Variants in PCDHA3 observed in about 807,000 individuals in gnomAD.
PCDHA3 encodes the protein protocadherin alpha-3.
Under a neutral mutation model 62.2 loss-of-function variants are expected in PCDHA3, and 41 were observed. The ratio of observed to expected loss-of-function variants is 0.66; its 90% CI spans 0.51 to 0.86. The LOEUF is 0.86. Among genes scored for constraint, PCDHA3 ranks in the 40% least tolerant of loss-of-function variants. The pLI, the probability that PCDHA3 is intolerant of heterozygous loss-of-function variation, is 0.00. For synonymous variants in PCDHA3, 640 were observed against 555.4 expected, an observed-to-expected ratio of 1.15 and a Z score of -2.14; for missense variants, 1,304 against 1,241.2, an observed-to-expected ratio of 1.05 and a Z score of -0.76.
At chr5:140,870,483 C>A (rs782740203) in intron 1 of PCDHA3, 13 of 1,614,122 alleles carry the variant, frequency 8.1e-6, no homozygotes, top group East Asian at 2.2e-5. Context: ...CCGAGTACAC[C>A]GTGTTCGTGA....
At chr5:140,856,416 A>C in intron 1 of PCDHA3, 1 of 1,598,486 alleles carries the variant, frequency 6.3e-7, no homozygotes, top group South Asian at 1.1e-5. Context: ...GTGGAAGTGA[A>C]GGACATTAAC....
At chr5:140,975,562 A>T (rs1445534188) in intron 1 of PCDHA3, among the ~76,000 whole-genome samples, 2 of 152,206 alleles carry the variant, frequency 1.3e-5, no homozygotes, top group African/African-American at 4.8e-5. Flanking sequence ...GGAAAAGGAG[A>T]TATTATATGC....
At position 140,802,452 on chromosome 5, in the gene PCDHA3, T is replaced by G; in HGVS notation, c.1255T>G (p.Ser419Ala). The G allele has an allele frequency of 6.2e-7, 1 of 1,614,192 alleles. No homozygotes were observed. The highest frequency in any genetic ancestry group is 8.5e-7 in the Non-Finnish European group (1 of 1,180,038). The stretch of plus-strand genomic sequence containing the variant: ...CAGCCCTCTGGACCGCGAGAGCGTG[T>G]CGGCCTATGAGCTGGTGGTGACTGC... ...LDSPLDRESVSAYELVVTARD... is the reference protein window; with the variant it reads ...LDSPLDRESVAAYELVVTARD... Residue 419 changes from serine to alanine, a missense_variant, in exon 1 of 4, where the codon TCG (serine) becomes GCG (alanine). Transcript: ENST00000522353.
In PCDHA3 at chr5:140,943,486, T is replaced by C. The variant is rs573341102; in HGVS notation, c.2395-35463T>C. Among the ~76,000 whole-genome samples the C allele has an allele frequency of 2.6e-5, 4 of 152,178 alleles. No homozygotes were observed. The South Asian group carries it at 8.3e-4, about 32-fold the overall frequency. Reference sequence around the variant, plus strand: ...GTGGGAGATACAGTAAAATAATAAATAGATGCTATCAAGGTTCATGGAAAT... The same window carrying C: ...GTGGGAGATACAGTAAAATAATAAACAGATGCTATCAAGGTTCATGGAAAT... On this transcript the variant is annotated intron_variant, in intron 1 of 3. Coordinates refer to ENST00000522353, the MANE Select transcript of PCDHA3 (RefSeq NM_018906.3).
In PCDHA3 at chr5:140,869,551, T is replaced by A. The variant is rs570153514; in HGVS notation, c.2394+65960T>A. On this transcript the variant is annotated intron_variant, in intron 1 of 3. Coordinates refer to ENST00000522353, the MANE Select transcript of PCDHA3 (RefSeq NM_018906.3). ...GATTGCGGAATCTAAGCAATCGGAC[T>A]CGCGTTTTCCACTAGAGGGAGCTTC... 3.1e-6 allele frequency: 5 copies of A among 1,614,218 alleles called. No individual in the cohort carries two copies. The East Asian group carries it at 6.7e-5, about 22-fold the overall frequency.
chr5:140,915,966 T>C (rs1420384919), intron 1 of PCDHA3, among the ~76,000 whole-genome samples: 1 of 152,160 alleles, frequency 6.6e-6, no homozygotes, highest in Non-Finnish European at 1.5e-5. Flanking sequence ...ATTTGCCTGA[T>C]ATTTTATTTG....
At chr5:140,869,484 C>T (rs782167038) in intron 1 of PCDHA3, 2 of 1,613,948 alleles carry the variant, frequency 1.2e-6, no homozygotes, top group South Asian at 2.2e-5. Flanking sequence ...AGGACATTAA[C>T]GACAACCCGC....
rs148102793 is a variant in PCDHA3 at position 140,873,087 on chromosome 5, G to A, written c.2394+69496G>A. Among the ~76,000 whole-genome samples, 818 of 152,138 alleles carry A rather than the reference G, an allele frequency of 5.4e-3. 4 individuals carry two copies. Among genetic ancestry groups the A allele is most frequent in the Middle Eastern group, 0.014 (4 of 294 alleles). On this transcript the variant is annotated intron_variant, in intron 1 of 3. Coordinates refer to ENST00000522353, the MANE Select transcript of PCDHA3 (RefSeq NM_018906.3). ...AATCATATCTAGCTATTTCCCCCCC[G>A]TATAGAGGCATAACATACCATTTGG...
intron 1 of PCDHA3, chr5:140,851,464 T>A: frequency 1.1e-6 from 1 of 895,470 alleles, no homozygotes; most frequent in Non-Finnish European, 1.4e-6. Flanking sequence ...TCAAATTATG[T>A]CAATAAATGT....
intron 1 of PCDHA3, chr5:140,930,064 C>G (rs2153602971): frequency 6.6e-6 from 1 of 152,306 alleles, no homozygotes; most frequent in Non-Finnish European, 1.5e-5. Context: ...TACACAAAAA[C>G]TGTAAGCCTC....
At chr5:140,812,541 A>G (rs1223696277) in intron 1 of PCDHA3, 2 of 150,840 alleles carry the variant, frequency 1.3e-5, no homozygotes, top group Non-Finnish European at 3.0e-5. Context: ...CTTTTTTTCT[A>G]GTTCCTTGAG....
chr5:140,871,284 T>C (rs2052909297), intron 1 of PCDHA3: 1 of 1,613,778 alleles, frequency 6.2e-7, no homozygotes, highest in African/African-American at 1.3e-5. Flanking sequence ...CAACGCCCAC[T>C]GAGGGCGCGT....
intron 1 of PCDHA3, chr5:140,828,611 T>C: frequency 6.2e-7 from 1 of 1,614,202 alleles, no homozygotes; most frequent in Non-Finnish European, 8.5e-7. Flanking sequence ...TAAACTCAGT[T>C]CTAGCGAATA....
intron 3 of PCDHA3, among the ~76,000 whole-genome samples, chr5:141,002,755 T>A (rs894161079): frequency 1.3e-5 from 2 of 152,174 alleles, no homozygotes; most frequent in Non-Finnish European, 2.9e-5. Context: ...GACAACCCTG[T>A]GATGTAGACA....
chr5:140,993,596 A>G (rs562427268), intron 3 of PCDHA3, among the ~76,000 whole-genome samples: 53 of 152,194 alleles, frequency 3.5e-4, no homozygotes, highest in Admixed American at 2.6e-4. Flanking sequence ...CTTGGCTCCA[A>G]TAGAGAATTT....
Position 140,857,722 on chromosome 5 carries a change from C to G in PCDHA3, c.2394+54131C>G, listed in dbSNP as rs371525843. The G allele has an allele frequency of 7.4e-5, 119 of 1,597,430 alleles. 2 individuals carry two copies. The highest frequency in any genetic ancestry group is 6.2e-4 in the East Asian group (28 of 44,824). The stretch of plus-strand genomic sequence containing the variant: ...TGCAGGTGTTCGTGCTGGACGAGAA[C>G]GACAACGCTCCCGCGCTGCTGGCGT... On this transcript the variant is annotated intron_variant, in intron 1 of 3. Transcript: ENST00000522353.
chr5:140,884,335 A>G, intron 1 of PCDHA3: 1 of 1,613,888 alleles, frequency 6.2e-7, no homozygotes, highest in Non-Finnish European at 8.5e-7. Flanking sequence ...CTGTGGGTCC[A>G]GAAGCGGCGC....
intron 1 of PCDHA3, chr5:140,867,368 C>A (rs1036514483): frequency 6.6e-6 from 1 of 151,940 alleles, no homozygotes; most frequent in African/African-American, 2.4e-5. Context: ...TTTACAGATG[C>A]GTAATGGAAT....
intron 1 of PCDHA3, chr5:140,869,019 A>G: frequency 1.3e-6 from 2 of 1,525,464 alleles, no homozygotes; most frequent in Non-Finnish European, 8.8e-7. Flanking sequence ...CTTCTTAAGA[A>G]TTCAACGAGA....
Sources: allele counts gnomAD v4.1 joint callset (sites outside exome capture counted in the v4.1 genomes callset), GRCh38; gene constraint gnomAD v4.1.1; transcripts MANE v1.5; gene names NCBI Gene and HGNC (gene_info 2026-07-23, HGNC 2026-07-21).